The following CDC42SE2 variants were observed in gnomAD, a reference collection of about 807,000 sequenced individuals.
CDC42SE2 encodes the protein CDC42 small effector protein 2.
A neutral mutation model predicts 11.5 loss-of-function variants in CDC42SE2; 3 were observed. That is an observed-to-expected ratio of 0.26 (90% CI 0.12 to 0.67). CDC42SE2 has a LOEUF of 0.67. Among genes scored for constraint, CDC42SE2 ranks in the 30% least tolerant of loss-of-function variants. The pLI is 0.80. For synonymous variants in CDC42SE2, 33 were observed against 34.8 expected (o/e 0.95, Z 0.18); for missense variants, 82 against 106.8 (o/e 0.77, Z 1.02).
At chr5:131,353,715 A>T (rs1370904960) in intron 2 of CDC42SE2, among the ~76,000 whole-genome samples, 1 of 151,472 alleles carries the variant, frequency 6.6e-6, no homozygotes, top group East Asian at 2.0e-4. Flanking sequence ...AGACCAGCCT[A>T]GCCAACATGG....
At chr5:131,364,352 T>C (rs1275312533) in intron 3 of CDC42SE2, among the ~76,000 whole-genome samples, 1 of 152,072 alleles carries the variant, frequency 6.6e-6, no homozygotes, top group African/African-American at 2.4e-5. Context: ...GCAAAGCACT[T>C]AGAGTGAGTA....
intron 3 of CDC42SE2, among the ~76,000 whole-genome samples, chr5:131,377,612 T>C (rs927409361): frequency 1.3e-5 from 2 of 152,242 alleles, no homozygotes; most frequent in African/African-American, 4.8e-5. Context: ...GAAAATCTTC[T>C]GTGACTAGAG....
upstream of CDC42SE2, among the ~76,000 whole-genome samples, chr5:131,262,777 T>C (rs1425017882): frequency 1.3e-5 from 2 of 152,228 alleles, no homozygotes; most frequent in Admixed American, 6.5e-5. Flanking sequence ...TATTGGTTTT[T>C]ATTTGTATTT....
the CDC42SE2 span, among the ~76,000 whole-genome samples, chr5:131,223,019 T>A: frequency 2.0e-5 from 3 of 152,220 alleles, no homozygotes; most frequent in Non-Finnish European, 4.4e-5. Context: ...TGGCACCCCA[T>A]CCATTTTCTT....
intron 4 of CDC42SE2, among the ~76,000 whole-genome samples, chr5:131,386,346 CAG>C (rs1399350008): frequency 3.3e-5 from 5 of 152,244 alleles, no homozygotes; most frequent in African/African-American, 1.2e-4. Context: ...CGGTTCCTAA[CAG>C]GCCACTTCTG....
rs1750769116 is a variant in CDC42SE2 at position 131,393,986 on chromosome 5, C to A, written c.*2895C>A. On this transcript the variant is annotated 3_prime_UTR_variant, in exon 5 of 5. Coordinates refer to ENST00000505065, the MANE Select transcript of CDC42SE2 (RefSeq NM_001375635.1). ...TTATACAGGAGCACATGCCAAAGTG[C>A]CTGGGAGGTGCCAATAAAATCAAGA... 6.6e-6 allele frequency: 1 copy of A among 152,092 alleles called. No homozygotes were observed. Among genetic ancestry groups the A allele is most frequent in the African/African-American group, 2.4e-5 (1 of 41,374 alleles). The allele number at this position is 152,092 out of a possible 1,614,324, so 9.4% of individuals were successfully genotyped here.
chr5:131,341,422 A>G (rs1269444029), intron 2 of CDC42SE2, among the ~76,000 whole-genome samples: 3 of 152,214 alleles, frequency 2.0e-5, no homozygotes, highest in Non-Finnish European at 1.5e-5. Flanking sequence ...TTGTCTTGGT[A>G]TTCTATATTC....
At chr5:131,306,699 A>T (rs1226024191) in intron 1 of CDC42SE2, among the ~76,000 whole-genome samples, 2 of 152,176 alleles carry the variant, frequency 1.3e-5, no homozygotes, top group Non-Finnish European at 2.9e-5. Flanking sequence ...CATTTTAACA[A>T]CATTAAAGAT....
At chr5:131,244,636 G>C (rs1234532179), upstream of CDC42SE2, among the ~76,000 whole-genome samples, 1 of 152,098 alleles carries the variant, frequency 6.6e-6, no homozygotes, top group Admixed American at 6.5e-5. Context: ...GCTTGAACCC[G>C]GGAGGCAGAA....
chr5:131,297,830 C>T (rs1385416321), intron 1 of CDC42SE2, among the ~76,000 whole-genome samples: 3 of 151,924 alleles, frequency 2.0e-5, no homozygotes, highest in African/African-American at 7.2e-5. Flanking sequence ...GAGAAATAAT[C>T]GATCGACAAA....
At chr5:131,226,779 G>A in the CDC42SE2 span, among the ~76,000 whole-genome samples, 2 of 152,194 alleles carry the variant, frequency 1.3e-5, no homozygotes, top group Non-Finnish European at 2.9e-5. Context: ...AGTTGGAATA[G>A]ACTTACTCAG....
upstream of CDC42SE2, among the ~76,000 whole-genome samples, chr5:131,259,522 CTTTCT>C (rs780554699): frequency 7.9e-5 from 12 of 151,532 alleles, no homozygotes; most frequent in Non-Finnish European, 1.6e-4. Context: ...TGCCTTTCCT[CTTTCT>C]TTTGATTCAC....
At position 131,391,171 on chromosome 5, in the gene CDC42SE2, A is replaced by G; in HGVS notation, c.*80A>G. The G allele has an allele frequency of 1.8e-6, 1 of 541,534 alleles. No homozygotes were observed. Among genetic ancestry groups the G allele is most frequent in the South Asian group, 4.9e-5 (1 of 20,208 alleles). The allele number at this position is 541,534 out of a possible 1,614,324, so 33.5% of individuals were successfully genotyped here. On this transcript the variant is annotated 3_prime_UTR_variant, in exon 5 of 5. Coordinates refer to ENST00000505065, the MANE Select transcript of CDC42SE2 (RefSeq NM_001375635.1). Reference sequence around the variant, plus strand: ...GACATGGCCAGGCCAATAATAGTAAATATATGTATATATATATAATTTTTT... The same window carrying G: ...GACATGGCCAGGCCAATAATAGTAAGTATATGTATATATATATAATTTTTT...
intron 1 of CDC42SE2, among the ~76,000 whole-genome samples, chr5:131,305,460 C>T (rs1757761122): frequency 6.6e-6 from 1 of 152,148 alleles, no homozygotes; most frequent in Non-Finnish European, 1.5e-5. Context: ...AACAGTTCCT[C>T]CTTTGCCTTA....
At chr5:131,318,081 C>T (rs545822303) in intron 2 of CDC42SE2, among the ~76,000 whole-genome samples, 1 of 152,188 alleles carries the variant, frequency 6.6e-6, no homozygotes, top group African/African-American at 2.4e-5. Flanking sequence ...GCTGGGACTA[C>T]AGGTGTGCAC....
Position 131,268,054 on chromosome 5 carries a change from CTTTTTTTTTT to C in CDC42SE2, c.-455+3906_-455+3915del, listed in dbSNP as rs148354795. Among the ~76,000 whole-genome samples the C allele has an allele frequency of 1.4e-4, 9 of 65,446 alleles. No homozygotes were observed. The East Asian group carries it at 2.2e-3, about 16-fold the overall frequency. 42.9% of individuals were successfully genotyped at this position (65,446 alleles called of 152,430 possible). A position where few individuals can be genotyped will look rare whatever the true frequency, so the allele number is the denominator to read the frequency against. On this transcript the variant is annotated intron_variant, in intron 1 of 4. Coordinates refer to ENST00000505065, the MANE Select transcript of CDC42SE2 (RefSeq NM_001375635.1). Reference sequence around the variant, plus strand: ...AGAGAAGTACATGTACATGCTTATTCTTTTTTTTTTTTTTTTTTTTTTTTTTTGAGACGGA... The same window carrying C: ...AGAGAAGTACATGTACATGCTTATTCTTTTTTTTTTTTTTTTTGAGACGGA...
intron 1 of CDC42SE2, among the ~76,000 whole-genome samples, chr5:131,267,212 AC>A (rs550159900): frequency 6.6e-6 from 1 of 151,336 alleles, no homozygotes; most frequent in African/African-American, 2.4e-5. Flanking sequence ...GTGCCACCAC[AC>A]CCGGCTAATT....
chr5:131,267,661 C>G (rs1454939442), intron 1 of CDC42SE2, among the ~76,000 whole-genome samples: 1 of 152,022 alleles, frequency 6.6e-6, no homozygotes, highest in East Asian at 1.9e-4. Context: ...CTCATATTTG[C>G]CTGTGTAGAT....
intron 1 of CDC42SE2, among the ~76,000 whole-genome samples, chr5:131,280,865 T>G (rs1757224160): frequency 6.6e-6 from 1 of 152,202 alleles, no homozygotes; most frequent in African/African-American, 2.4e-5. Context: ...TTGCTACCCT[T>G]TTTATGTGTG....
Sources: gnomAD v4.1 joint callset for allele counts (sites outside exome capture counted in the v4.1 genomes callset) on GRCh38, gnomAD v4.1.1 for gene constraint, MANE v1.5 for transcripts, NCBI Gene and HGNC (gene_info 2026-07-23, HGNC 2026-07-21) for gene names.